Variants in RADIL observed in about 807,000 individuals in gnomAD.
RADIL encodes the protein ras-associating and dilute domain-containing protein.
Under a neutral mutation model 97.6 loss-of-function variants are expected in RADIL, and 99 were observed. The ratio of observed to expected loss-of-function variants is 1.01; its 90% CI spans 0.86 to 1.20. The LOEUF (loss-of-function observed/expected upper bound fraction) is 1.20. Ranked by LOEUF, RADIL falls within the 50% of genes most tolerant of loss-of-function variation. The pLI is 0.00. For missense variants in RADIL, 1,765 were observed against 1,498.9 expected (o/e 1.18, Z -2.93); for synonymous variants, 803 against 691.8 (o/e 1.16, Z -2.52).
rs989230006 is a variant in RADIL, at chr7:4,821,208, C to T, written c.1615+1186G>A. Among the ~76,000 whole-genome samples, 2 of 152,192 alleles carry T rather than the reference C, an allele frequency of 1.3e-5. No homozygotes were observed. The highest frequency in any genetic ancestry group is 2.9e-5 in the Non-Finnish European group (2 of 68,038). Reference sequence around the variant, plus strand: ...TACCCGGATCCTCCAGAAGCCAGACCGCCACGCCACGGCCACTCAGGACCC... The same window carrying T: ...TACCCGGATCCTCCAGAAGCCAGACTGCCACGCCACGGCCACTCAGGACCC... On this transcript the variant is annotated intron_variant, in intron 6 of 14. Coordinates refer to ENST00000399583, the MANE Select transcript of RADIL (RefSeq NM_018059.5). This position sits in a 1 kb window ranked among gnomAD's most constrained non-coding sequence, Gnocchi z 5.2.
intron 2 of RADIL, among the ~76,000 whole-genome samples, chr7:4,863,058 C>T (rs1032422673): frequency 1.3e-5 from 2 of 152,122 alleles, no homozygotes; most frequent in African/African-American, 4.8e-5. Flanking sequence ...TCCTGATTCT[C>T]TTCATCTAGA....
chr7:4,845,700 C>T (rs1192758892), intron 2 of RADIL, among the ~76,000 whole-genome samples: 2 of 152,128 alleles, frequency 1.3e-5, no homozygotes, highest in African/African-American at 4.8e-5. Context: ...GGTATTATTT[C>T]CATGATGAAA....
rs1783236078 is a variant in RADIL, at chr7:4,834,479, T to C, written c.1416+128A>G. On this transcript the variant is annotated intron_variant, in intron 4 of 14. Coordinates refer to ENST00000399583, the MANE Select transcript of RADIL (RefSeq NM_018059.5). The surrounding 1 kb of genome is among the most constrained non-coding windows in gnomAD (Gnocchi z 6.0). ...AGCGACAGGCAGGGAAAGGCCGCCC[T>C]GCGCTCAGCAGCACAGCACCGTGGG... 2 of 1,118,020 alleles carry C rather than the reference T, an allele frequency of 1.8e-6. No individual in the cohort carries two copies. The highest frequency in any genetic ancestry group is 2.3e-6 in the Non-Finnish European group (2 of 884,386). 69.3% of individuals were successfully genotyped at this position (1,118,020 alleles called of 1,614,324 possible).
At position 4,805,734 on chromosome 7, in the gene RADIL, G is replaced by A. The variant is rs1782284389; in HGVS notation, c.2140-18C>T. The A allele has an allele frequency of 5.0e-6, 8 of 1,600,160 alleles. No individual in the cohort carries two copies. In the East Asian group the frequency reaches 1.1e-4, roughly 22 times the overall value. ...CAGCTCATCTGGGTGACAAGAAGGAGCTCATGGTCACAGGTCTCTGGGTGC... is the reference window on the plus strand; with the variant it reads ...CAGCTCATCTGGGTGACAAGAAGGAACTCATGGTCACAGGTCTCTGGGTGC... On this transcript the variant is annotated intron_variant, in intron 9 of 14. Transcript: ENST00000399583.
In RADIL at chr7:4,801,245, C is replaced by T. The variant is rs60603048; in HGVS notation, c.2842+408G>A. 2.7e-4 allele frequency among the ~76,000 whole-genome samples: 41 copies of T among 152,330 alleles called. No homozygotes were observed. In the East Asian group the frequency reaches 7.1e-3, roughly 27 times the overall value. On this transcript the variant is annotated intron_variant, in intron 12 of 14. Coordinates refer to ENST00000399583, the MANE Select transcript of RADIL (RefSeq NM_018059.5). Reference sequence around the variant, plus strand: ...GCACCTGTGAGCACACATATCCACACGCACAAGCACACAGGCACACACAGG... The same window carrying T: ...GCACCTGTGAGCACACATATCCACATGCACAAGCACACAGGCACACACAGG...
intron 12 of RADIL, 49 bp from the exon 13 acceptor site, chr7:4,800,359 C>A (rs62450182): frequency 0.045 from 62,780 of 1,410,010 alleles, 1,584 homozygotes; most frequent in Middle Eastern, 0.088. Flanking sequence ...CCAGGAATCA[C>A]GACGAGGAAT....
At position 4,841,000 on chromosome 7, in the gene RADIL, C is replaced by T. The variant is rs915129597; in HGVS notation, c.536-4395G>A. On this transcript the variant is annotated intron_variant, in intron 2 of 14. Coordinates refer to ENST00000399583, the MANE Select transcript of RADIL (RefSeq NM_018059.5). The surrounding 1 kb of genome is among the most constrained non-coding windows in gnomAD (Gnocchi z 5.6). ...ACAAAACAACAACAACGAAAAGAAA[C>T]CACTATTTCAAAACAAATGAATTCT... 1.3e-5 allele frequency among the ~76,000 whole-genome samples: 2 copies of T among 152,188 alleles called. No homozygotes were observed. The highest frequency in any genetic ancestry group is 2.9e-5 in the Non-Finnish European group (2 of 68,032).
chr7:4,817,009 G>A lies in RADIL; in HGVS notation c.1728+230C>T, dbSNP rs1222886212. ...GGGGGCGTTTCAAGGCGAGGGAAAG[G>A]GAGCTGGGATGGTTCTAGGGCTTCT... On this transcript the variant is annotated intron_variant, in intron 7 of 14. Coordinates refer to ENST00000399583, the MANE Select transcript of RADIL (RefSeq NM_018059.5). This position sits in a 1 kb window ranked among gnomAD's most constrained non-coding sequence, Gnocchi z 8.3. Among the ~76,000 whole-genome samples the A allele has an allele frequency of 6.6e-6, 1 of 152,180 alleles. No individual in the cohort carries two copies. Among genetic ancestry groups the A allele is most frequent in the Non-Finnish European group, 1.5e-5 (1 of 68,026 alleles).
chr7:4,805,052 C>T (rs1000171671), intron 10 of RADIL, among the ~76,000 whole-genome samples: 1 of 152,168 alleles, frequency 6.6e-6, no homozygotes, highest in Admixed American at 6.5e-5. Flanking sequence ...TGAGATTGCA[C>T]CACTGCACTC....
intron 2 of RADIL, among the ~76,000 whole-genome samples, chr7:4,851,216 A>C (rs1783701929): frequency 6.6e-6 from 1 of 151,782 alleles, no homozygotes. Context: ...AAAAGAAAAA[A>C]AGAAAAGAAA....
Position 4,801,959 on chromosome 7 carries a change from C to T in RADIL, c.2536G>A (p.Ala846Thr), listed in dbSNP as rs1191560268. 1 of 1,553,576 alleles carries T rather than the reference C, an allele frequency of 6.4e-7. No individual in the cohort carries two copies. Among genetic ancestry groups the T allele is most frequent in the East Asian group, 2.3e-5 (1 of 44,058 alleles). ...HHVVLDGHLE[A>T]PSCPLAPRDP... Reference sequence around the variant, plus strand: ...CTGGGAGCCAGGGGGCAGCTCGGGGCCTCCAGGTGCCCGTCAAGGACCACG... The same window carrying T: ...CTGGGAGCCAGGGGGCAGCTCGGGGTCTCCAGGTGCCCGTCAAGGACCACG... The change falls in exon 12 of 15, where the codon GCC becomes ACC. Residue 846 changes from alanine (A) to threonine (T), a missense_variant. Transcript: ENST00000399583.
chr7:4,859,064 T>G (rs34928860), intron 2 of RADIL: 41,434 of 152,030 alleles, frequency 0.27, 5,824 homozygotes, highest in East Asian at 0.38. Flanking sequence ...GACCTACTAA[T>G]GGTTGATGTC....
At chr7:4,828,763 T>C (rs1409280951) in intron 5 of RADIL, among the ~76,000 whole-genome samples, 4 of 152,164 alleles carry the variant, frequency 2.6e-5, no homozygotes, top group Admixed American at 2.0e-4. Context: ...CCCCCAGGCA[T>C]GCAAGAGGGA....
chr7:4,819,963 C>T lies in RADIL; in HGVS notation c.1615+2431G>A, dbSNP rs150019861. Among the ~76,000 whole-genome samples, 87 of 152,362 alleles carry T rather than the reference C, an allele frequency of 5.7e-4. No individual in the cohort carries two copies. The highest frequency in any genetic ancestry group is 1.0e-3 in the Non-Finnish European group (68 of 68,038). On this transcript the variant is annotated intron_variant, in intron 6 of 14. Coordinates refer to ENST00000399583, the MANE Select transcript of RADIL (RefSeq NM_018059.5). The surrounding 1 kb of genome is among the most constrained non-coding windows in gnomAD (Gnocchi z 5.8). Reference sequence around the variant, plus strand: ...TTTTTCCCATGAAGAGCAGCCAGCACGGGGACCACATGGGACCCAGCTGCC... The same window carrying T: ...TTTTTCCCATGAAGAGCAGCCAGCATGGGGACCACATGGGACCCAGCTGCC...
At chr7:4,856,038 G>C (rs1361796123) in intron 2 of RADIL, among the ~76,000 whole-genome samples, 7 of 151,852 alleles carry the variant, frequency 4.6e-5, no homozygotes, top group Admixed American at 4.6e-4. Context: ...CAAACTCCTG[G>C]CCTCAAGTGA....
rs535229342 is a variant in RADIL, at chr7:4,878,372, C to T, written c.-64-169G>A. Among the ~76,000 whole-genome samples, 16 of 152,066 alleles carry T rather than the reference C, an allele frequency of 1.1e-4. No individual in the cohort carries two copies. Among genetic ancestry groups the T allele is most frequent in the African/African-American group, 3.4e-4 (14 of 41,464 alleles). On this transcript the variant is annotated intron_variant, in intron 1 of 14. Transcript: ENST00000399583. This position sits in a 1 kb window ranked among gnomAD's most constrained non-coding sequence, Gnocchi z 4.1. ...CAGCCTGGGAAACATAGTAAGGCCC[C>T]GGCTCTACAAAAAATTTAAAAATTA...
In RADIL at chr7:4,867,443, T is replaced by G. The variant is rs1784155048; in HGVS notation, c.535+10162A>C. Among the ~76,000 whole-genome samples the G allele has an allele frequency of 6.6e-6, 1 of 152,024 alleles. No homozygotes were observed. Among genetic ancestry groups the G allele is most frequent in the Non-Finnish European group, 1.5e-5 (1 of 67,982 alleles). On this transcript the variant is annotated intron_variant, in intron 2 of 14. Coordinates refer to ENST00000399583, the MANE Select transcript of RADIL (RefSeq NM_018059.5). The surrounding 1 kb of genome is among the most constrained non-coding windows in gnomAD (Gnocchi z 4.1). ...CATATAATGGAAAACTATGAATCAG[T>G]CAAAAGCAATGAGCTGACTAGAGCA...
chr7:4,819,261 G>A lies in RADIL; in HGVS notation c.1616-1910C>T, dbSNP rs1205969050. Reference sequence around the variant, plus strand: ...TAATTTTTGTATTTTTAGTAGAGACGGGGTTTCACCATGTTGGCCAGGCTG... The same window carrying A: ...TAATTTTTGTATTTTTAGTAGAGACAGGGTTTCACCATGTTGGCCAGGCTG... On this transcript the variant is annotated intron_variant, in intron 6 of 14. Transcript: ENST00000399583. This position sits in a 1 kb window ranked among gnomAD's most constrained non-coding sequence, Gnocchi z 5.8. Among the ~76,000 whole-genome samples the A allele has an allele frequency of 5.3e-5, 8 of 151,696 alleles. No homozygotes were observed. Among genetic ancestry groups the A allele is most frequent in the Admixed American group, 1.3e-4 (2 of 15,230 alleles).
rs574315821 is a variant in RADIL at position 4,805,582 on chromosome 7, G to A, written c.2274C>T (p.Pro758=). The change falls in exon 10 of 15, where the codon CCC becomes CCT. Residue 758 remains proline, a synonymous_variant. Coordinates refer to ENST00000399583, the MANE Select transcript of RADIL (RefSeq NM_018059.5). ...AGGGCTTACCTGACCTGAAGGCCTC[G>A]GGGCTGTCCTGGGCCCCTGGCTCCC... ...STWEPGAQDS[P]EAFRSEDVLE... 64 of 1,607,226 alleles carry A rather than the reference G, an allele frequency of 4.0e-5. 1 individual carries two copies. The highest frequency in any genetic ancestry group is 3.6e-4 in the East Asian group (16 of 44,762).
Sources: gnomAD v4.1 joint callset for allele counts (sites outside exome capture counted in the v4.1 genomes callset) on GRCh38, gnomAD v4.1.1 for gene constraint, Gnocchi (gnomAD v3.1) non-coding constraint, MANE v1.5 for transcripts, NCBI Gene and HGNC (gene_info 2026-07-23, HGNC 2026-07-21) for gene names.